Variants in KMT2C observed in about 807,000 individuals in gnomAD.
KMT2C encodes lysine methyltransferase 2C.
Under a neutral mutation model 507.9 loss-of-function variants are expected in KMT2C, and 88 were observed. The observed-to-expected ratio is 0.17, with a 90% confidence interval of 0.15 to 0.21. The LOEUF is 0.21. Among genes scored for constraint, KMT2C ranks in the 10% least tolerant of loss-of-function variants. The pLI is 1.00. For missense variants in KMT2C, 4,954 were observed against 5,957.8 expected, an observed-to-expected ratio of 0.83 and a Z score of 5.55; for synonymous variants, 2,049 against 2,080.8, an observed-to-expected ratio of 0.98 and a Z score of 0.42.
intron 19 of KMT2C, 77 bp from the exon 20 acceptor site, chr7:152,224,256 T>A: frequency 1.4e-6 from 2 of 1,427,436 alleles, no homozygotes; most frequent in Non-Finnish European, 1.9e-6. Context: ...GGAAGCTACA[T>A]ACGAACATAA....
At chr7:152,170,482 T>C (rs2092913662) in intron 40 of KMT2C, among the ~76,000 whole-genome samples, 1 of 152,058 alleles carries the variant, frequency 6.6e-6, no homozygotes, top group Non-Finnish European at 1.5e-5. Context: ...AAAAAACAAA[T>C]ATAGCATATT....
chr7:152,171,127 T>C (rs773386522), intron 40 of KMT2C, 137 bp downstream of exon 40: 2 of 473,046 alleles, frequency 4.2e-6, no homozygotes, highest in Non-Finnish European at 7.4e-6. Context: ...CACTGGCAAA[T>C]GGCATATGGT....
At chr7:152,285,934 G>A (rs1468437953) in intron 6 of KMT2C, among the ~76,000 whole-genome samples, 3 of 152,214 alleles carry the variant, frequency 2.0e-5, no homozygotes, top group African/African-American at 7.2e-5. Context: ...GCTGTAAGCC[G>A]AGATCGCGCC....
chr7:152,233,393 T>C (rs560606401), intron 16 of KMT2C, among the ~76,000 whole-genome samples: 16 of 152,250 alleles, frequency 1.1e-4, no homozygotes, highest in Non-Finnish European at 8.8e-5. Flanking sequence ...CCAAGGAGAA[T>C]AGAAAGTTCT....
At chr7:152,426,105 G>C (rs865787065) in intron 1 of KMT2C, among the ~76,000 whole-genome samples, 1 of 151,972 alleles carries the variant, frequency 6.6e-6, no homozygotes, top group East Asian at 1.9e-4. Context: ...ATTTCATAGA[G>C]ATTTCTGCTG....
At chr7:152,311,984 A>C (rs2096676056) in intron 4 of KMT2C, 38 bp from the exon 5 acceptor site, 1 of 1,504,034 alleles carries the variant, frequency 6.6e-7, no homozygotes, top group South Asian at 1.3e-5. Flanking sequence ...AGTGAAAACA[A>C]GCAGAAAATT....
chr7:152,269,874 G>A (rs951502483), intron 7 of KMT2C, among the ~76,000 whole-genome samples: 15 of 152,206 alleles, frequency 9.9e-5, no homozygotes, highest in Admixed American at 5.2e-4. Context: ...AAAGACAGCC[G>A]TAAAAAGAGA....
At chr7:152,415,181 G>C (rs2097722183) in intron 1 of KMT2C, among the ~76,000 whole-genome samples, 1 of 152,072 alleles carries the variant, frequency 6.6e-6, no homozygotes, top group South Asian at 2.1e-4. Context: ...ACTAGTCCTA[G>C]ATTATTATGA....
At chr7:152,225,463 A>AGG (rs1277004560) in intron 18 of KMT2C, among the ~76,000 whole-genome samples, 1 of 152,234 alleles carries the variant, frequency 6.6e-6, no homozygotes, top group East Asian at 1.9e-4. Context: ...ATAAGTTTCC[A>AGG]ATTCTACAGG....
At chr7:152,321,417 G>A (rs1236195133) in intron 3 of KMT2C, among the ~76,000 whole-genome samples, 3 of 151,574 alleles carry the variant, frequency 2.0e-5, no homozygotes, top group Non-Finnish European at 4.4e-5. Flanking sequence ...GGAAGTCCTA[G>A]GCAGAGCAAT....
At chr7:152,431,183 T>C (rs959440599) in intron 1 of KMT2C, among the ~76,000 whole-genome samples, 9 of 152,220 alleles carry the variant, frequency 5.9e-5, no homozygotes, top group Admixed American at 3.9e-4. Flanking sequence ...CAAGTTTACA[T>C]ATTAGTAACC....
At chr7:152,270,318 GA>G (rs2095939054) in intron 7 of KMT2C, among the ~76,000 whole-genome samples, 2 of 152,190 alleles carry the variant, frequency 1.3e-5, no homozygotes, top group African/African-American at 4.8e-5. Flanking sequence ...CCAAAGAAAA[GA>G]GGCTGGAGTT....
intron 7 of KMT2C, among the ~76,000 whole-genome samples, chr7:152,270,535 C>G (rs1029877556): frequency 2.0e-5 from 3 of 152,162 alleles, no homozygotes; most frequent in African/African-American, 7.2e-5. Context: ...TCTCTACTAC[C>G]CACCTAGTAG....
chr7:152,429,116 G>C (rs1007358950), intron 1 of KMT2C, among the ~76,000 whole-genome samples: 7 of 152,006 alleles, frequency 4.6e-5, no homozygotes, highest in African/African-American at 1.7e-4. Flanking sequence ...AATCCTTCAA[G>C]GTCTAATTCA....
chr7:152,166,838 G>GA lies in KMT2C; in HGVS notation c.9750+307dup, dbSNP rs1402185199. Among the ~76,000 whole-genome samples the GA allele has an allele frequency of 2.0e-5, 3 of 151,698 alleles. No homozygotes were observed. The East Asian group carries it at 5.9e-4, about 30-fold the overall frequency. ...GTCTTTGCAGTGATTTCTTAGTGCA[G>GA]AAAAAAATAACGTCTCCAACTATAC... On this transcript the variant is annotated intron_variant, in intron 42 of 58. Coordinates refer to ENST00000262189, the MANE Select transcript of KMT2C (RefSeq NM_170606.3).
chr7:152,259,454 A>ACGCGCG (rs1563624861), intron 9 of KMT2C, among the ~76,000 whole-genome samples: 4 of 136,690 alleles, frequency 2.9e-5, no homozygotes, highest in African/African-American at 1.2e-4. Flanking sequence ...GCGCACACAC[A>ACGCGCG]CACACACACA....
intron 23 of KMT2C, among the ~76,000 whole-genome samples, chr7:152,218,157 A>C (rs1263895478): frequency 6.6e-6 from 1 of 152,122 alleles, no homozygotes; most frequent in African/African-American, 2.4e-5. Flanking sequence ...CAAAAGACAT[A>C]TCTTTTCATT....
At chr7:152,359,999 A>G (rs1336836374) in intron 1 of KMT2C, among the ~76,000 whole-genome samples, 1 of 132,260 alleles carries the variant, frequency 7.6e-6, no homozygotes, top group Admixed American at 8.6e-5. Flanking sequence ...CAGTGAGCTG[A>G]TATCATGCCA....
At chr7:152,293,960 C>G (rs1245075220) in intron 6 of KMT2C, among the ~76,000 whole-genome samples, 1 of 151,846 alleles carries the variant, frequency 6.6e-6, no homozygotes, top group Non-Finnish European at 1.5e-5. Context: ...TGGGCTCAAG[C>G]CATCCCTCCC....
Sources: gnomAD v4.1 joint callset for allele counts (sites outside exome capture counted in the v4.1 genomes callset) on GRCh38, gnomAD v4.1.1 for gene constraint, MANE v1.5 for transcripts, NCBI Gene and HGNC (gene_info 2026-07-23, HGNC 2026-07-21) for gene names.